RNF38: variants seen among roughly 807,000 people sequenced by gnomAD.
The protein encoded by RNF38 is ring finger protein 38.
Under a neutral mutation model 67.2 loss-of-function variants are expected in RNF38, and 15 were observed. The ratio of observed to expected loss-of-function variants is 0.22; its 90% CI spans 0.15 to 0.34. The LOEUF is 0.34. RNF38 is among the 10% of genes least tolerant of loss of function. RNF38 has a pLI of 1.00. For synonymous variants in RNF38, 220 were observed against 218.8 expected (o/e 1.01, Z -0.05); for missense variants, 524 against 639.9 (o/e 0.82, Z 1.95).
chr9:36,465,984 G>A (rs112876131), intron 1 of RNF38, among the ~76,000 whole-genome samples: 2 of 152,106 alleles, frequency 1.3e-5, no homozygotes, highest in African/African-American at 4.8e-5. Flanking sequence ...CCCAGGAGGC[G>A]GAGCTTGCAG....
At chr9:36,372,375 GTTTA>G (rs1490972378) in intron 3 of RNF38, 1 of 567,212 alleles carries the variant, frequency 1.8e-6, no homozygotes, top group Non-Finnish European at 3.2e-6. Context: ...GTTTCTTGAA[GTTTA>G]TTGTTAATTG....
Position 36,346,951 on chromosome 9 carries a change from C to CAG in RNF38, c.1264-1999_1264-1998insCT, listed in dbSNP as rs1179485191. 4.6e-5 allele frequency among the ~76,000 whole-genome samples: 7 copies of CAG among 152,006 alleles called. No homozygotes were observed. In the East Asian group the frequency reaches 1.4e-3, roughly 29 times the overall value. ...TGGTCAACACGGTGAAACCCCGTCT[C>CAG]TACTAAAATTACAAAAAAATTAGAC... is the stretch of plus-strand genomic sequence containing the variant. On this transcript the variant is annotated intron_variant, in intron 9 of 11. Coordinates refer to ENST00000259605, the MANE Select transcript of RNF38 (RefSeq NM_022781.5).
chr9:36,373,648 T>C (rs1004121326), intron 3 of RNF38, among the ~76,000 whole-genome samples: 11 of 149,300 alleles, frequency 7.4e-5, no homozygotes, highest in Non-Finnish European at 1.5e-4. Flanking sequence ...CAGGCTGGAG[T>C]GCAGTGGCGC....
At chr9:36,353,495 T>A (rs1226793406) in intron 6 of RNF38, among the ~76,000 whole-genome samples, 164 bp from the exon 7 acceptor site, 13 of 152,164 alleles carry the variant, frequency 8.5e-5, no homozygotes, top group Non-Finnish European at 1.5e-4. Context: ...CAAGTAAACA[T>A]ATAGGCTACA....
intron 4 of RNF38, among the ~76,000 whole-genome samples, chr9:36,359,279 A>T (rs1221155268): frequency 6.9e-6 from 1 of 145,318 alleles, no homozygotes; most frequent in Non-Finnish European, 1.5e-5. Context: ...GTCTTTTGTG[A>T]TTTTTTTTTT....
At chr9:36,472,474 C>G (rs962426776) in intron 1 of RNF38, among the ~76,000 whole-genome samples, 2 of 152,206 alleles carry the variant, frequency 1.3e-5, no homozygotes, top group African/African-American at 4.8e-5. Flanking sequence ...ACAATTCTTT[C>G]AACATGGCCC....
At chr9:36,424,117 G>C (rs1176938735) in intron 2 of RNF38, among the ~76,000 whole-genome samples, 3 of 152,154 alleles carry the variant, frequency 2.0e-5, no homozygotes, top group Non-Finnish European at 2.9e-5. Context: ...GTATGAACCA[G>C]ATCGATTCAA....
At chr9:36,450,662 C>G (rs1839414747) in intron 1 of RNF38, among the ~76,000 whole-genome samples, 1 of 152,198 alleles carries the variant, frequency 6.6e-6, no homozygotes, top group South Asian at 2.1e-4. Flanking sequence ...TGCCTGTAAT[C>G]CTAGCACTTT....
At chr9:36,354,381 T>C (rs1414341972) in intron 6 of RNF38, among the ~76,000 whole-genome samples, 2 of 152,138 alleles carry the variant, frequency 1.3e-5, no homozygotes, top group African/African-American at 2.4e-5. Flanking sequence ...TTAGTAGACT[T>C]TAGTAGAGAC....
chr9:36,385,050 G>C (rs1435672860), intron 2 of RNF38, among the ~76,000 whole-genome samples: 1 of 152,076 alleles, frequency 6.6e-6, no homozygotes, highest in Non-Finnish European at 1.5e-5. Flanking sequence ...AACTCAACAT[G>C]AATTGTTCTA....
chr9:36,416,741 TA>T (rs1280515396), intron 2 of RNF38, among the ~76,000 whole-genome samples: 9 of 117,436 alleles, frequency 7.7e-5, no homozygotes, highest in Non-Finnish European at 1.1e-4. Flanking sequence ...GCTGCCTCGA[TA>T]TTTTTTTTTT....
At chr9:36,416,742 ATTTTTTTTTTTTTTTT>A (rs386414907) in intron 2 of RNF38, among the ~76,000 whole-genome samples, 22 of 63,500 alleles carry the variant, frequency 3.5e-4, no homozygotes, top group Admixed American at 2.3e-3. Flanking sequence ...CTGCCTCGAT[ATTTTTTTTTTTTTTTT>A]TTTTTTTTTT....
chr9:36,448,620 A>G (rs899617508), intron 1 of RNF38, among the ~76,000 whole-genome samples: 4 of 152,174 alleles, frequency 2.6e-5, no homozygotes, highest in Non-Finnish European at 5.9e-5. Flanking sequence ...TAGATAATGT[A>G]AAGTGCCTTC....
At chr9:36,400,897 C>T (rs1293422112), upstream of RNF38, 1 of 983,462 alleles carries the variant, frequency 1.0e-6, no homozygotes, top group East Asian at 1.1e-4. Flanking sequence ...CGGCCACGCC[C>T]CTCCCCGCCC....
At chr9:36,427,780 GGCTCACT>G (rs1838815740) in intron 1 of RNF38, among the ~76,000 whole-genome samples, 1 of 151,796 alleles carries the variant, frequency 6.6e-6, no homozygotes, top group Non-Finnish European at 1.5e-5. Context: ...GTGCGATCTT[GGCTCACT>G]GCAACCTCCA....
chr9:36,395,368 G>T (rs566364996), intron 1 of RNF38, among the ~76,000 whole-genome samples: 12 of 151,644 alleles, frequency 7.9e-5, no homozygotes, highest in African/African-American at 2.9e-4. Flanking sequence ...AGAGGATACA[G>T]GTACATGACT....
chr9:36,468,147 TGG>T (rs1839909122), intron 1 of RNF38, among the ~76,000 whole-genome samples: 1 of 146,908 alleles, frequency 6.8e-6, no homozygotes, highest in African/African-American at 2.5e-5. Flanking sequence ...GAGGCTGAGG[TGG>T]GAAGACTGCT....
chr9:36,428,998 C>T (rs1295411218), intron 1 of RNF38, among the ~76,000 whole-genome samples: 1 of 152,144 alleles, frequency 6.6e-6, no homozygotes, highest in Admixed American at 6.5e-5. Context: ...ACTTATCAAG[C>T]CCTCGCTACA....
chr9:36,466,305 A>G (rs1225642124), intron 1 of RNF38, among the ~76,000 whole-genome samples: 1 of 152,210 alleles, frequency 6.6e-6, no homozygotes, highest in East Asian at 1.9e-4. Flanking sequence ...CAGGGAGATG[A>G]AAATGCTCTG....
Sources: allele counts gnomAD v4.1 joint callset (sites outside exome capture counted in the v4.1 genomes callset), GRCh38; gene constraint gnomAD v4.1.1; transcripts MANE v1.5; gene names NCBI Gene and HGNC (gene_info 2026-07-23, HGNC 2026-07-21).